DOCK4: variants seen among roughly 807,000 people sequenced by gnomAD.
DOCK4 encodes the protein dedicator of cytokinesis protein 4.
Under a neutral mutation model 268.1 loss-of-function variants are expected in DOCK4, and 97 were observed. That is an observed-to-expected ratio of 0.36 (90% CI 0.31 to 0.43). The LOEUF (loss-of-function observed/expected upper bound fraction) is 0.43, where lower values mean the gene tolerates loss of function less well. Ranked by LOEUF, DOCK4 falls within the 20% of genes least tolerant of loss-of-function variation. The probability of loss-of-function intolerance (pLI) is 1.00; values close to 1 mark genes in which losing one functional copy is unlikely to be tolerated. For synonymous variants in DOCK4, 954 were observed against 887.2 expected (o/e 1.08, Z -1.34); for missense variants, 2,145 against 2,455.7 (o/e 0.87, Z 2.67).
rs1487612949 is a variant in DOCK4, at chr7:111,726,159, C to T, written c.*2115G>A. The T allele has an allele frequency of 6.6e-6, 1 of 152,594 alleles. No homozygotes were observed. The highest frequency in any genetic ancestry group is 2.4e-5 in the African/African-American group (1 of 41,452). The allele number at this position is 152,594 out of a possible 1,614,324, so 9.5% of individuals were successfully genotyped here. A position where few individuals can be genotyped will look rare whatever the true frequency, so the allele number is the denominator to read the frequency against. On this transcript the variant is annotated 3_prime_UTR_variant, in exon 53 of 53. Coordinates refer to ENST00000428084, the MANE Select transcript of DOCK4 (RefSeq NM_001363540.2). The stretch of plus-strand genomic sequence containing the variant: ...TTAATATTTACCATTCAGCAGCAAC[C>T]AACATGAACATGTGGGCTAACAGAA...
At position 112,165,529 on chromosome 7, in the gene DOCK4, TGTGTGTGTGTGTG is replaced by T. The variant is rs1400920679; in HGVS notation, c.37+40560_37+40572del. ...TTCATGGTGGAATAGTATACGTGTG[TGTGTGTGTGTGTG>T]TGTGTGTGTGTGTGTGTGCGTGTGT... On this transcript the variant is annotated intron_variant, in intron 1 of 52. Transcript: ENST00000428084. 1.6e-4 allele frequency among the ~76,000 whole-genome samples: 8 copies of T among 49,644 alleles called. No homozygotes were observed. The African/African-American group carries it at 2.0e-3, about 12-fold the overall frequency. 32.6% of individuals were successfully genotyped at this position (49,644 alleles called of 152,430 possible).
rs1205111465 is a variant in DOCK4 at position 111,920,995 on chromosome 7, ATTTAATTTCATAAAAT to A, written c.1067-5107_1067-5092del. On this transcript the variant is annotated intron_variant, in intron 12 of 52. Coordinates refer to ENST00000428084, the MANE Select transcript of DOCK4 (RefSeq NM_001363540.2). ...AAAATTTCATAAAATTTAATTTACAATTTAATTTCATAAAATTTTAATTTCATAAAATTTAACCTAA... is the reference window on the plus strand; with the variant it reads ...AAAATTTCATAAAATTTAATTTACAATTTAATTTCATAAAATTTAACCTAA... 3.4e-4 allele frequency among the ~76,000 whole-genome samples: 51 copies of A among 152,178 alleles called. 2 individuals carry two copies. Among genetic ancestry groups the A allele is most frequent in the East Asian group, 3.1e-3 (16 of 5,174 alleles).
chr7:112,097,216 C>A (rs940133960), intron 1 of DOCK4, among the ~76,000 whole-genome samples: 8 of 152,120 alleles, frequency 5.3e-5, no homozygotes, highest in Admixed American at 3.9e-4. Flanking sequence ...AGGATTGGTT[C>A]CAAATCCCAG....
At chr7:111,981,434 T>C (rs1798602007) in intron 7 of DOCK4, among the ~76,000 whole-genome samples, 1 of 152,232 alleles carries the variant, frequency 6.6e-6, no homozygotes, top group South Asian at 2.1e-4. Flanking sequence ...ACCTGGGTGA[T>C]GGGATGATCT....
At chr7:111,877,288 C>T (rs1211436195) in intron 16 of DOCK4, 102 bp from the exon 17 acceptor site, 11 of 1,013,408 alleles carry the variant, frequency 1.1e-5, no homozygotes, top group Middle Eastern at 3.1e-4. Context: ...GGGAAACATT[C>T]CAAACAGTAT....
chr7:111,905,579 C>T (rs895115653), intron 13 of DOCK4, among the ~76,000 whole-genome samples: 4 of 152,084 alleles, frequency 2.6e-5, no homozygotes, highest in Admixed American at 2.0e-4. Context: ...TTGTTTCTGT[C>T]TTATGAATGT....
chr7:111,965,381 A>G, intron 8 of DOCK4, among the ~76,000 whole-genome samples: 1 of 31,542 alleles, frequency 3.2e-5, no homozygotes, highest in Middle Eastern at 0.01. Flanking sequence ...CCAATGGAAA[A>G]CAAAAAAAGG....
chr7:111,789,786 G>A (rs1254568724), intron 31 of DOCK4, among the ~76,000 whole-genome samples: 2 of 152,170 alleles, frequency 1.3e-5, no homozygotes, highest in Non-Finnish European at 2.9e-5. Context: ...GTCAAACCCT[G>A]TGGGCACACA....
At chr7:112,076,456 C>T (rs1182176655) in intron 1 of DOCK4, among the ~76,000 whole-genome samples, 3 of 152,060 alleles carry the variant, frequency 2.0e-5, no homozygotes, top group South Asian at 2.1e-4. Context: ...AAGCTTAGAA[C>T]ACCTTGGCAC....
intron 16 of DOCK4, among the ~76,000 whole-genome samples, chr7:111,891,232 AC>A (rs1329227217): frequency 6.6e-6 from 1 of 152,074 alleles, no homozygotes; most frequent in East Asian, 1.9e-4. Context: ...TTGTCCACTA[AC>A]AAAAAATTTA....
chr7:112,095,117 T>C (rs946316570), intron 1 of DOCK4, among the ~76,000 whole-genome samples: 1 of 152,194 alleles, frequency 6.6e-6, no homozygotes, highest in Non-Finnish European at 1.5e-5. Context: ...CCTGAAAAAT[T>C]CCTTCTACTT....
rs75428259 is a variant in DOCK4, at chr7:112,178,487, G to C, written c.37+27615C>G. On this transcript the variant is annotated intron_variant, in intron 1 of 52. Coordinates refer to ENST00000428084, the MANE Select transcript of DOCK4 (RefSeq NM_001363540.2). ...TTGCTTTGTCAAAGACTACACCTTT[G>C]TCTCGGCTTCCCATCCCTACAACCT... is the stretch of plus-strand genomic sequence containing the variant. 9.5e-3 allele frequency among the ~76,000 whole-genome samples: 1,450 copies of C among 152,274 alleles called. 20 individuals are homozygous for C. The highest frequency in any genetic ancestry group is 0.033 in the African/African-American group (1,356 of 41,560).
At chr7:111,890,199 CT>C (rs1808177308) in intron 16 of DOCK4, among the ~76,000 whole-genome samples, 1 of 152,116 alleles carries the variant, frequency 6.6e-6, no homozygotes, top group African/African-American at 2.4e-5. Context: ...TCTACTCATT[CT>C]TTTTTATTTT....
At chr7:111,969,941 A>G (rs1797573801) in intron 8 of DOCK4, among the ~76,000 whole-genome samples, 1 of 152,294 alleles carries the variant, frequency 6.6e-6, no homozygotes, top group South Asian at 2.1e-4. Flanking sequence ...GCATGTCCAC[A>G]TTCTTCTGTC....
At chr7:112,172,614 T>C (rs1372311222) in intron 1 of DOCK4, among the ~76,000 whole-genome samples, 2 of 152,224 alleles carry the variant, frequency 1.3e-5, no homozygotes, top group East Asian at 1.9e-4. Context: ...AAAATTACAG[T>C]AATTCACATC....
intron 23 of DOCK4, among the ~76,000 whole-genome samples, chr7:111,861,249 G>A (rs1805486854): frequency 6.6e-6 from 1 of 152,048 alleles, no homozygotes; most frequent in Non-Finnish European, 1.5e-5. Flanking sequence ...TCCAGGATAT[G>A]TTTTTATTGG....
At chr7:111,970,386 T>C (rs1797615161) in intron 8 of DOCK4, among the ~76,000 whole-genome samples, 1 of 152,196 alleles carries the variant, frequency 6.6e-6, no homozygotes, top group Non-Finnish European at 1.5e-5. Context: ...ATATTAGTAG[T>C]ATCCACTGTA....
Position 112,036,805 on chromosome 7 carries a change from C to T in DOCK4, c.38-32674G>A, listed in dbSNP as rs905863042. Among the ~76,000 whole-genome samples, 16 of 152,028 alleles carry T rather than the reference C, an allele frequency of 1.1e-4. No individual in the cohort carries two copies. The South Asian group carries it at 2.7e-3, about 26-fold the overall frequency. On this transcript the variant is annotated intron_variant, in intron 1 of 52. Coordinates refer to ENST00000428084, the MANE Select transcript of DOCK4 (RefSeq NM_001363540.2). ...CCTCCCAAGTCACTGGAATTACAGG[C>T]GCCCACCACCACACCCAGCTAATTT...
chr7:111,909,016 T>G (rs770743871), intron 13 of DOCK4, among the ~76,000 whole-genome samples: 6 of 152,228 alleles, frequency 3.9e-5, no homozygotes, highest in African/African-American at 7.2e-5. Context: ...TTATAATCCC[T>G]TGGGTATATA....
Sources: gnomAD v4.1 joint callset for allele counts (sites outside exome capture counted in the v4.1 genomes callset) on GRCh38, gnomAD v4.1.1 for gene constraint, MANE v1.5 for transcripts, NCBI Gene and HGNC (gene_info 2026-07-23, HGNC 2026-07-21) for gene names.